CEP128: variants seen among roughly 807,000 people sequenced by gnomAD.
CEP128 encodes centrosomal protein 128.
Under a neutral mutation model 156.7 loss-of-function variants are expected in CEP128, and 132 were observed. That is an observed-to-expected ratio of 0.84 (90% CI 0.73 to 0.97). The LOEUF (loss-of-function observed/expected upper bound fraction) is 0.97, where lower values mean the gene tolerates loss of function less well. Among genes scored for constraint, CEP128 ranks in the 50% least tolerant of loss-of-function variants. CEP128 has a pLI of 0.00. For synonymous variants in CEP128, 469 were observed against 448.9 expected (o/e 1.04, Z -0.57); for missense variants, 1,252 against 1,281.9 (o/e 0.98, Z 0.36).
intron 19 of CEP128, among the ~76,000 whole-genome samples, chr14:80,737,343 A>G (rs1447634570): frequency 2.0e-5 from 3 of 151,976 alleles, no homozygotes; most frequent in African/African-American, 7.3e-5. Context: ...GGCGGAGGTT[A>G]CAGTGAGCCA....
intron 19 of CEP128, among the ~76,000 whole-genome samples, chr14:80,726,148 A>T (rs760441369): frequency 6.6e-6 from 1 of 152,210 alleles, no homozygotes; most frequent in Admixed American, 6.5e-5. Context: ...TCTGATGACC[A>T]TGACAGCCAT....
intron 6 of CEP128, among the ~76,000 whole-genome samples, chr14:80,491,414 G>T (rs137960886): frequency 1.6e-4 from 25 of 152,178 alleles, no homozygotes; most frequent in Non-Finnish European, 3.1e-4. Flanking sequence ...CAGGCCAGAG[G>T]GGGGGAAAAA....
At chr14:80,507,084 C>G (rs1294498519) in intron 23 of CEP128, among the ~76,000 whole-genome samples, 1 of 151,858 alleles carries the variant, frequency 6.6e-6, no homozygotes, top group Admixed American at 6.6e-5. Flanking sequence ...GCTTCACCTT[C>G]TGCCATGAGT....
intron 12 of CEP128, among the ~76,000 whole-genome samples, chr14:80,833,574 A>C (rs1885923368): frequency 6.6e-6 from 1 of 152,084 alleles, no homozygotes; most frequent in African/African-American, 2.4e-5. Flanking sequence ...GGAAAAAAAA[A>C]AATTGGAGTC....
At chr14:80,706,125 T>G (rs1897233508) in intron 19 of CEP128, among the ~76,000 whole-genome samples, 1 of 152,084 alleles carries the variant, frequency 6.6e-6, no homozygotes, top group Non-Finnish European at 1.5e-5. Flanking sequence ...TAGTTGGAAC[T>G]TCTAGAAGAA....
At chr14:80,868,896 A>G (rs1216287144) in intron 8 of CEP128, among the ~76,000 whole-genome samples, 1 of 152,130 alleles carries the variant, frequency 6.6e-6, no homozygotes, top group Non-Finnish European at 1.5e-5. Context: ...AAATGTAAAA[A>G]GAAACAAGCT....
chr14:80,618,218 AT>A (rs1208103591), intron 19 of CEP128, among the ~76,000 whole-genome samples: 1 of 152,116 alleles, frequency 6.6e-6, no homozygotes, highest in African/African-American at 2.4e-5. Context: ...ATTCCATATC[AT>A]TTTTTGAAGA....
chr14:80,749,289 C>A (rs28887590), intron 18 of CEP128, among the ~76,000 whole-genome samples: 4,064 of 152,246 alleles, frequency 0.027, 174 homozygotes, highest in African/African-American at 0.092. Flanking sequence ...TAGGTATATA[C>A]CCAAAAGAAA....
chr14:80,539,881 G>T (rs1889664032), intron 21 of CEP128, among the ~76,000 whole-genome samples: 1 of 152,048 alleles, frequency 6.6e-6, no homozygotes, highest in Non-Finnish European at 1.5e-5. Context: ...TGTCTTATGT[G>T]GTTGAGATAA....
chr14:80,597,572 T>G (rs572246615), intron 19 of CEP128, among the ~76,000 whole-genome samples: 1 of 151,320 alleles, frequency 6.6e-6, no homozygotes, highest in Admixed American at 6.6e-5. Context: ...TTATTTTATT[T>G]AGCCTATTTC....
chr14:80,808,683 C>G (rs1389236210), intron 13 of CEP128, among the ~76,000 whole-genome samples: 3 of 152,012 alleles, frequency 2.0e-5, no homozygotes, highest in Non-Finnish European at 4.4e-5. Context: ...CCTTTATCAC[C>G]AGGAAAAATT....
chr14:80,567,299 G>T (rs1486720032), intron 20 of CEP128, among the ~76,000 whole-genome samples: 2 of 152,030 alleles, frequency 1.3e-5, no homozygotes, highest in Non-Finnish European at 2.9e-5. Context: ...ATTGAAGTGG[G>T]GTATGTGTAC....
chr14:80,761,648 C>A (rs139374154), intron 16 of CEP128, 35 bp from the exon 17 acceptor site: 6 of 1,486,538 alleles, frequency 4.0e-6, no homozygotes, highest in Non-Finnish European at 9.2e-7. Flanking sequence ...AAGGTGATTA[C>A]TATTAAGTGG....
At chr14:80,586,399 C>T (rs1467718932) in intron 19 of CEP128, among the ~76,000 whole-genome samples, 1 of 152,172 alleles carries the variant, frequency 6.6e-6, no homozygotes, top group Non-Finnish European at 1.5e-5. Flanking sequence ...GATCAAATGC[C>T]TCTGTCAATG....
At chr14:80,493,966 G>A (rs1887410334), downstream of CEP128, among the ~76,000 whole-genome samples, 1 of 152,138 alleles carries the variant, frequency 6.6e-6, no homozygotes, top group Admixed American at 6.6e-5. Flanking sequence ...TTGGGGGCTT[G>A]GAATCTAAAG....
intron 19 of CEP128, among the ~76,000 whole-genome samples, chr14:80,625,264 T>C (rs1893662213): frequency 6.6e-6 from 1 of 152,186 alleles, no homozygotes; most frequent in South Asian, 2.1e-4. Flanking sequence ...GTTGTAAATG[T>C]GTGAATTCAT....
intron 8 of CEP128, among the ~76,000 whole-genome samples, 168 bp from the exon 9 acceptor site, chr14:80,863,041 C>G (rs757463342): frequency 1.4e-4 from 21 of 152,114 alleles, no homozygotes; most frequent in Non-Finnish European, 2.5e-4. Context: ...GGCCAAAAAG[C>G]TTACTGAAAG....
chr14:80,482,303 T>C (rs1296170471), intron 14 of CEP128, among the ~76,000 whole-genome samples: 1 of 152,246 alleles, frequency 6.6e-6, no homozygotes, highest in East Asian at 1.9e-4. Context: ...AAGTCACTGA[T>C]GTTATATCAG....
intron 19 of CEP128, among the ~76,000 whole-genome samples, chr14:80,642,143 G>A (rs1314394470): frequency 6.7e-6 from 1 of 150,212 alleles, no homozygotes; most frequent in Non-Finnish European, 1.5e-5. Flanking sequence ...GCTACAAACT[G>A]CTGTGATTCC....
Sources: gnomAD v4.1 joint callset for allele counts (sites outside exome capture counted in the v4.1 genomes callset) on GRCh38, gnomAD v4.1.1 for gene constraint, MANE v1.5 for transcripts, NCBI Gene and HGNC (gene_info 2026-07-23, HGNC 2026-07-21) for gene names.